Variants in MECOM observed in about 807,000 individuals in gnomAD.
MECOM encodes the protein histone-lysine N-methyltransferase MECOM.
Under a neutral mutation model 116.3 loss-of-function variants are expected in MECOM, and 13 were observed. That is an observed-to-expected ratio of 0.11 (90% CI 0.07 to 0.18). MECOM has a LOEUF of 0.18. Ranked by LOEUF, MECOM falls within the 10% of genes least tolerant of loss-of-function variation. The pLI is 1.00. For synonymous variants in MECOM, 528 were observed against 535.2 expected (o/e 0.99, Z 0.19); for missense variants, 1,299 against 1,509.0 (o/e 0.86, Z 2.31).
intron 1 of MECOM, among the ~76,000 whole-genome samples, chr3:169,576,814 CACACACACACACACACACACACACAG>C (rs1305892704): frequency 7.6e-6 from 1 of 131,222 alleles, no homozygotes; most frequent in East Asian, 2.5e-4. Flanking sequence ...CACACACACA[CACACACACACACACACACACACACAG>C]AGAGAGAGAG....
intron 2 of MECOM, chr3:169,147,562 C>A: frequency 1.0e-6 from 1 of 985,432 alleles, no homozygotes; most frequent in Non-Finnish European, 1.2e-6. Context: ...CGCCAAGACC[C>A]AAGTCCTATA....
At chr3:169,162,284 G>A (rs1312732144) in intron 2 of MECOM, among the ~76,000 whole-genome samples, 1 of 152,138 alleles carries the variant, frequency 6.6e-6, no homozygotes, top group African/African-American at 2.4e-5. Flanking sequence ...AGGTTTAGAA[G>A]GCAGAGGAAA....
chr3:169,152,931 C>T (rs1446880992), intron 2 of MECOM, among the ~76,000 whole-genome samples: 1 of 152,136 alleles, frequency 6.6e-6, no homozygotes, highest in Non-Finnish European at 1.5e-5. Flanking sequence ...ACTAGCAGCT[C>T]TTTGGAAACT....
chr3:169,100,828 A>G (rs1723334848), intron 12 of MECOM, 57 bp downstream of exon 12: 2 of 1,005,848 alleles, frequency 2.0e-6, no homozygotes, highest in South Asian at 3.2e-5. Flanking sequence ...TATTATTAAA[A>G]TAAACTTTAA....
At chr3:169,332,005 TAA>T (rs10551909) in intron 2 of MECOM, among the ~76,000 whole-genome samples, 5,639 of 137,486 alleles carry the variant, frequency 0.041, 169 homozygotes, top group East Asian at 0.11. Flanking sequence ...CTTTTTTATT[TAA>T]AAAAAAAAAA....
At chr3:169,535,544 C>T (rs557713734) in intron 1 of MECOM, among the ~76,000 whole-genome samples, 5 of 152,320 alleles carry the variant, frequency 3.3e-5, no homozygotes, top group African/African-American at 7.2e-5. Flanking sequence ...AAAGGCCTTC[C>T]TTTACCACTG....
chr3:169,345,027 G>T (rs993556837), intron 2 of MECOM, among the ~76,000 whole-genome samples: 8 of 152,142 alleles, frequency 5.3e-5, no homozygotes, highest in African/African-American at 1.4e-4. Flanking sequence ...CATTATCACA[G>T]TATTAATACG....
intron 2 of MECOM, among the ~76,000 whole-genome samples, chr3:169,376,025 A>T (rs1560193147): frequency 1.3e-5 from 2 of 152,174 alleles, no homozygotes; most frequent in South Asian, 4.1e-4. Flanking sequence ...CTGGATCAAC[A>T]TACACAAATC....
At chr3:169,255,265 C>T (rs1345477304) in intron 2 of MECOM, among the ~76,000 whole-genome samples, 1 of 152,108 alleles carries the variant, frequency 6.6e-6, no homozygotes, top group Non-Finnish European at 1.5e-5. Context: ...ATTTTGTGAG[C>T]TGAGTAGTAT....
At chr3:169,154,096 C>T (rs989408689) in intron 2 of MECOM, among the ~76,000 whole-genome samples, 6 of 151,958 alleles carry the variant, frequency 3.9e-5, no homozygotes, top group African/African-American at 1.2e-4. Context: ...TGAAGATGTC[C>T]GTCTCTGTCT....
At chr3:169,346,772 A>C (rs1337263779) in intron 2 of MECOM, among the ~76,000 whole-genome samples, 1 of 152,042 alleles carries the variant, frequency 6.6e-6, no homozygotes, top group Non-Finnish European at 1.5e-5. Flanking sequence ...AGAGTGGGGA[A>C]ATAGGGACTT....
intron 2 of MECOM, among the ~76,000 whole-genome samples, chr3:169,335,125 A>G (rs1165253764): frequency 6.6e-6 from 1 of 152,112 alleles, no homozygotes; most frequent in African/African-American, 2.4e-5. Context: ...TCTATTTTTC[A>G]CTATGAATGT....
chr3:169,484,726 G>A (rs1220119597), intron 1 of MECOM, among the ~76,000 whole-genome samples: 1 of 152,088 alleles, frequency 6.6e-6, no homozygotes, highest in Admixed American at 6.5e-5. Flanking sequence ...TGAAATTATG[G>A]CACTTTTATT....
intron 2 of MECOM, among the ~76,000 whole-genome samples, chr3:169,318,874 G>T (rs1720283252): frequency 6.6e-6 from 1 of 152,056 alleles, no homozygotes; most frequent in Admixed American, 6.5e-5. Context: ...CTAGGCAGGT[G>T]GATCACCTGA....
At chr3:169,238,160 G>A (rs1754331206) in intron 2 of MECOM, among the ~76,000 whole-genome samples, 1 of 138,558 alleles carries the variant, frequency 7.2e-6, no homozygotes, top group Non-Finnish European at 1.5e-5. Flanking sequence ...GGGTGATGGA[G>A]CTAGACTCCA....
intron 1 of MECOM, among the ~76,000 whole-genome samples, chr3:169,430,949 C>A (rs1181656544): frequency 6.6e-6 from 1 of 152,146 alleles, no homozygotes; most frequent in Non-Finnish European, 1.5e-5. Flanking sequence ...CTAAATAAAT[C>A]CCCCAGCTGC....
chr3:169,202,207 A>G (rs1749251930), intron 2 of MECOM, among the ~76,000 whole-genome samples: 1 of 152,172 alleles, frequency 6.6e-6, no homozygotes, highest in Non-Finnish European at 1.5e-5. Flanking sequence ...CAAAAAATAT[A>G]CTTCTTACCA....
At chr3:169,201,729 G>A (rs1482933306) in intron 2 of MECOM, among the ~76,000 whole-genome samples, 2 of 152,038 alleles carry the variant, frequency 1.3e-5, no homozygotes, top group African/African-American at 2.4e-5. Context: ...TTGGCTAAAC[G>A]ATCGTACATT....
At chr3:169,554,273 C>A (rs753518289) in intron 1 of MECOM, among the ~76,000 whole-genome samples, 8 of 152,100 alleles carry the variant, frequency 5.3e-5, no homozygotes, top group African/African-American at 1.2e-4. Context: ...TTGACAGAGG[C>A]CTACATCAGA....
Sources: allele counts gnomAD v4.1 joint callset (sites outside exome capture counted in the v4.1 genomes callset), GRCh38; gene constraint gnomAD v4.1.1; transcripts MANE v1.5; gene names NCBI Gene and HGNC (gene_info 2026-07-23, HGNC 2026-07-21).